Variants in ZBTB20 observed in about 807,000 individuals in gnomAD.
ZBTB20 encodes zinc finger and BTB domain containing 20, also known as zinc finger and BTB domain-containing protein 20.
In ZBTB20, 9 loss-of-function variants were observed where a neutral mutation model predicts 56.9. That is an observed-to-expected ratio of 0.16 (90% CI 0.10 to 0.28). ZBTB20 has a LOEUF of 0.28. ZBTB20 is among the 10% of genes least tolerant of loss of function. The pLI, the probability that ZBTB20 is intolerant of heterozygous loss-of-function variation, is 1.00. For missense variants in ZBTB20, 655 were observed against 1,003.0 expected, an observed-to-expected ratio of 0.65 and a Z score of 4.69; for synonymous variants, 417 against 420.7, an observed-to-expected ratio of 0.99 and a Z score of 0.11.
intron 7 of ZBTB20, among the ~76,000 whole-genome samples, chr3:114,470,753 G>GA (rs538434685): frequency 6.6e-6 from 1 of 152,006 alleles, no homozygotes; most frequent in Non-Finnish European, 1.5e-5. Context: ...TCCTTTAGAA[G>GA]AAAAAAACTC....
chr3:114,465,425 G>A (rs1203925561), intron 7 of ZBTB20, among the ~76,000 whole-genome samples: 2 of 152,094 alleles, frequency 1.3e-5, no homozygotes, highest in East Asian at 1.9e-4. Flanking sequence ...AAAGGATAGG[G>A]GCCAGGTGCG....
intron 1 of ZBTB20, among the ~76,000 whole-genome samples, chr3:115,078,027 T>C (rs2082657419): frequency 6.6e-6 from 1 of 152,172 alleles, no homozygotes; most frequent in African/African-American, 2.4e-5. Flanking sequence ...ATAAGGAAAC[T>C]GAAACCCAGG....
intron 6 of ZBTB20, among the ~76,000 whole-genome samples, chr3:114,580,092 T>C (rs77592241): frequency 0.029 from 4,381 of 151,750 alleles, 218 homozygotes; most frequent in African/African-American, 0.099. Flanking sequence ...AATTTAAAGA[T>C]TGATCTCCCC....
intron 3 of ZBTB20, among the ~76,000 whole-genome samples, chr3:114,937,482 C>T (rs1460169288): frequency 4.6e-5 from 7 of 151,452 alleles, no homozygotes; most frequent in East Asian, 2.0e-4. Flanking sequence ...AGTGCCGGGG[C>T]GCAATCTCGG....
At chr3:114,420,442 G>GT (rs1423325284) in intron 7 of ZBTB20, among the ~76,000 whole-genome samples, 2 of 152,170 alleles carry the variant, frequency 1.3e-5, no homozygotes, top group East Asian at 3.9e-4. Flanking sequence ...GTGCTTCCCT[G>GT]TAGGGCACCC....
chr3:114,398,170 T>A (rs16822588), intron 7 of ZBTB20, among the ~76,000 whole-genome samples: 7 of 152,104 alleles, frequency 4.6e-5, no homozygotes, highest in African/African-American at 1.2e-4. Context: ...TGAAGACTGC[T>A]TTAGCCCATA....
chr3:114,558,868 A>G (rs1234524761), intron 6 of ZBTB20, among the ~76,000 whole-genome samples: 1 of 152,104 alleles, frequency 6.6e-6, no homozygotes, highest in African/African-American at 2.4e-5. Flanking sequence ...TGCCTAGCTC[A>G]CTTGAGCCTC....
At chr3:114,346,808 C>A (rs912102357) in intron 11 of ZBTB20, among the ~76,000 whole-genome samples, 4 of 151,722 alleles carry the variant, frequency 2.6e-5, no homozygotes, top group Non-Finnish European at 5.9e-5. Flanking sequence ...ATTTCAGCGT[C>A]CCAAGTAGCT....
intron 1 of ZBTB20, among the ~76,000 whole-genome samples, chr3:115,090,968 A>G (rs191814450): frequency 6.6e-6 from 1 of 152,076 alleles, no homozygotes; most frequent in Non-Finnish European, 1.5e-5. Context: ...AACTCAAAAT[A>G]GCATGAGAGT....
chr3:115,086,500 A>G (rs2082990433), intron 1 of ZBTB20, among the ~76,000 whole-genome samples: 1 of 151,840 alleles, frequency 6.6e-6, no homozygotes, highest in Admixed American at 6.6e-5. Flanking sequence ...TCTTAATAAT[A>G]TATAAAAAAA....
intron 4 of ZBTB20, among the ~76,000 whole-genome samples, chr3:114,826,070 T>C (rs1160915930): frequency 6.6e-6 from 1 of 151,774 alleles, no homozygotes; most frequent in Non-Finnish European, 1.5e-5. Context: ...TCTGTAATTT[T>C]GCCTTTAGTT....
intron 4 of ZBTB20, among the ~76,000 whole-genome samples, chr3:114,844,020 T>A (rs933448830): frequency 6.6e-6 from 1 of 152,012 alleles, no homozygotes; most frequent in Non-Finnish European, 1.5e-5. Context: ...CAGATGCTCA[T>A]TGCTACTTTA....
At chr3:114,530,487 C>T (rs139040808) in intron 6 of ZBTB20, among the ~76,000 whole-genome samples, 1 of 152,224 alleles carries the variant, frequency 6.6e-6, no homozygotes, top group African/African-American at 2.4e-5. Flanking sequence ...GTTCACACAA[C>T]GATGAAATTG....
intron 4 of ZBTB20, among the ~76,000 whole-genome samples, chr3:114,856,172 A>C (rs1041260542): frequency 4.6e-5 from 7 of 152,156 alleles, no homozygotes; most frequent in Non-Finnish European, 1.0e-4. Flanking sequence ...TCTAGAGATA[A>C]AAAATTCCCC....
chr3:114,541,592 C>T (rs573744837), intron 6 of ZBTB20, among the ~76,000 whole-genome samples: 2 of 152,224 alleles, frequency 1.3e-5, no homozygotes, highest in South Asian at 4.2e-4. Context: ...TACACACTAG[C>T]CATCCCCTAG....
intron 5 of ZBTB20, among the ~76,000 whole-genome samples, chr3:114,713,217 G>A (rs2064216837): frequency 6.6e-6 from 1 of 151,910 alleles, no homozygotes; most frequent in South Asian, 2.1e-4. Flanking sequence ...TGGGGTGTTA[G>A]GACAATTTCA....
At chr3:114,616,851 C>G (rs2057979268) in intron 6 of ZBTB20, among the ~76,000 whole-genome samples, 1 of 152,318 alleles carries the variant, frequency 6.6e-6, no homozygotes, top group African/African-American at 2.4e-5. Context: ...GCTTTTCTTG[C>G]TTAGTTGTAT....
chr3:114,734,939 G>C (rs2066034526), intron 5 of ZBTB20, among the ~76,000 whole-genome samples: 1 of 151,714 alleles, frequency 6.6e-6, no homozygotes, highest in Admixed American at 6.6e-5. Flanking sequence ...GGATGTGGGA[G>C]AAAACCCACT....
At chr3:114,773,641 C>G (rs894914791) in intron 5 of ZBTB20, among the ~76,000 whole-genome samples, 1 of 152,126 alleles carries the variant, frequency 6.6e-6, no homozygotes, top group East Asian at 1.9e-4. Flanking sequence ...CAACATTACT[C>G]AAACCAACTA....
Sources: allele counts gnomAD v4.1 joint callset (sites outside exome capture counted in the v4.1 genomes callset), GRCh38; gene constraint gnomAD v4.1.1; transcripts MANE v1.5; gene names NCBI Gene and HGNC (gene_info 2026-07-23, HGNC 2026-07-21).